The following URB1 variants were observed in gnomAD, a reference collection of about 807,000 sequenced individuals.
The protein encoded by URB1 is URB1 ribosome biogenesis factor, also known as nucleolar pre-ribosomal-associated protein 1.
URB1 carries 197 observed loss-of-function variants against 242.3 expected under a neutral mutation model. The ratio of observed to expected loss-of-function variants is 0.81; its 90% CI spans 0.72 to 0.91. The LOEUF (loss-of-function observed/expected upper bound fraction) is 0.91. URB1 is among the 40% of genes least tolerant of loss of function. The probability of loss-of-function intolerance (pLI) is 0.00; values close to 1 mark genes in which losing one functional copy is unlikely to be tolerated. For synonymous variants in URB1, 1,153 were observed against 1,201.8 expected (o/e 0.96, Z 0.84); for missense variants, 2,721 against 2,860.5 (o/e 0.95, Z 1.11).
chr21:32,317,519 C>T (rs1217026382), intron 37 of URB1, among the ~76,000 whole-genome samples, 157 bp downstream of exon 37: 1 of 152,176 alleles, frequency 6.6e-6, no homozygotes, highest in African/African-American at 2.4e-5. Flanking sequence ...TCAAAGGCTG[C>T]CCAGCTCCCC....
rs1318970148 is a variant in URB1, at chr21:32,322,987, C to T, written c.5234-403G>A. 2.0e-5 allele frequency among the ~76,000 whole-genome samples: 3 copies of T among 152,164 alleles called. No individual in the cohort carries two copies. The East Asian group carries it at 5.8e-4, about 29-fold the overall frequency. ...TTCTAACTGAAAGGAACCGTCACAG[C>T]GGGGGAGGCTCAGACACTACTGAGT... On this transcript the variant is annotated intron_variant, in intron 32 of 38. Coordinates refer to ENST00000382751, the MANE Select transcript of URB1 (RefSeq NM_014825.3).
intron 37 of URB1, 59 bp from the exon 38 acceptor site, chr21:32,317,124 C>T: frequency 6.9e-7 from 1 of 1,458,392 alleles, no homozygotes. Flanking sequence ...CACACAGATC[C>T]AGATGTGGGG....
chr21:32,351,600 C>T (rs1323740066), intron 19 of URB1, among the ~76,000 whole-genome samples: 1 of 152,174 alleles, frequency 6.6e-6, no homozygotes, highest in East Asian at 1.9e-4. Context: ...TCTCAGGCTC[C>T]ACCCAGACCT....
At chr21:32,370,469 T>C (rs1055932317) in intron 8 of URB1, among the ~76,000 whole-genome samples, 59 of 152,222 alleles carry the variant, frequency 3.9e-4, no homozygotes, top group African/African-American at 1.4e-3. Context: ...ATGCTTTATT[T>C]TAATCAACAA....
chr21:32,345,076 C>T (rs942697235), intron 23 of URB1, among the ~76,000 whole-genome samples: 2 of 152,084 alleles, frequency 1.3e-5, no homozygotes, highest in African/African-American at 4.8e-5. Context: ...AAGCCAGAAG[C>T]AACACCCTCT....
At chr21:32,384,196 G>C in intron 3 of URB1, 117 bp downstream of exon 3, 1 of 1,299,154 alleles carries the variant, frequency 7.7e-7, no homozygotes, top group Non-Finnish European at 1.0e-6. Context: ...CTGTGGCCTC[G>C]GAAATAGCTC....
At chr21:32,326,761 C>T (rs1039117305) in intron 30 of URB1, among the ~76,000 whole-genome samples, 8 of 152,144 alleles carry the variant, frequency 5.3e-5, no homozygotes, top group African/African-American at 1.9e-4. Flanking sequence ...CCTGAGGCCT[C>T]CCCAGCCATG....
Position 32,363,167 on chromosome 21 carries a change from C to A in URB1, c.1498G>T (p.Ala500Ser). ...MEEFVQLFRE[A>S]LSKILPDLNT... ...AGATCAGAGCCTACCTTGCTCAGGG[C>A]TTCTCTGAAGAGCTGCACGAATTCT... Residue 500 changes from alanine (A) to serine (S), a missense_variant, in exon 11 of 39, where the codon GCC (alanine) becomes TCC (serine). Transcript: ENST00000382751. The A allele has an allele frequency of 6.4e-7, 1 of 1,551,698 alleles. No individual in the cohort carries two copies. Among genetic ancestry groups the A allele is most frequent in the Non-Finnish European group, 8.7e-7 (1 of 1,146,972 alleles).
chr21:32,337,345 C>T lies in URB1; in HGVS notation c.4621+59G>A, dbSNP rs1225177548. 10 of 1,474,128 alleles carry T rather than the reference C, an allele frequency of 6.8e-6. No homozygotes were observed. In the Admixed American group the frequency reaches 1.0e-4, roughly 15 times the overall value. The allele number at this position is 1,474,128 out of a possible 1,614,324, so 91.3% of individuals were successfully genotyped here. ...CCAGCTCTCATTCCCTATCTCTGCT[C>T]ACACCCCCGGCCCTCACTCCCTCCC... On this transcript the variant is annotated intron_variant, in intron 27 of 38. Transcript: ENST00000382751.
intron 4 of URB1, among the ~76,000 whole-genome samples, chr21:32,382,457 TCA>T (rs2033537119): frequency 6.6e-6 from 1 of 152,074 alleles, no homozygotes; most frequent in Non-Finnish European, 1.5e-5. Flanking sequence ...CAGGCCAATC[TCA>T]CAGAGCCATA....
Position 32,373,707 on chromosome 21 carries a change from G to A in URB1, c.816C>T (p.Asn272=). 1 of 1,549,392 alleles carries A rather than the reference G, an allele frequency of 6.5e-7. No homozygotes were observed. The highest frequency in any genetic ancestry group is 8.7e-7 in the Non-Finnish European group (1 of 1,146,202). ...KVRFFTGQLL[N]HIASLYNWNG... The stretch of plus-strand genomic sequence containing the variant: ...TCCAGTTGTACAGCGATGCTATGTG[G>A]TTCAATAACTGCCCCGTAAAGAAAC... The change falls in exon 7 of 39, where the codon AAC becomes AAT. Residue 272 remains asparagine, a synonymous_variant. Transcript: ENST00000382751.
chr21:32,341,321 C>CT, intron 25 of URB1, 145 bp downstream of exon 25: 1 of 743,082 alleles, frequency 1.3e-6, no homozygotes, highest in African/African-American at 1.8e-5. Flanking sequence ...AATCATTTAA[C>CT]TTCTCCAACT....
chr21:32,326,481 C>G (rs1017247084), intron 30 of URB1, among the ~76,000 whole-genome samples: 5 of 152,182 alleles, frequency 3.3e-5, no homozygotes. Context: ...ACTAAAATAT[C>G]TGAGCTGAAA....
intron 5 of URB1, among the ~76,000 whole-genome samples, chr21:32,375,689 A>G (rs1187846759): frequency 6.6e-6 from 1 of 152,062 alleles, no homozygotes; most frequent in African/African-American, 2.4e-5. Context: ...TCATGCCTGT[A>G]AGCCCAGCAC....
intron 4 of URB1, among the ~76,000 whole-genome samples, chr21:32,383,092 G>C (rs2033544476): frequency 6.6e-6 from 1 of 152,190 alleles, no homozygotes; most frequent in Non-Finnish European, 1.5e-5. Context: ...CAGGGCCATG[G>C]GCACATGGAG....
At chr21:32,392,688 A>C (rs2033653060) in intron 1 of URB1, 81 bp downstream of exon 1, 2 of 1,346,266 alleles carry the variant, frequency 1.5e-6, no homozygotes, top group Non-Finnish European at 9.5e-7. Flanking sequence ...AAAGCTGCAG[A>C]AAGGAGAGGC....
In URB1 at chr21:32,320,536, TTCAAG is replaced by T; in HGVS notation, c.5584_5588del (p.Leu1862LysfsTer11). Reference sequence around the variant, plus strand: ...CGCATGCAAAAGGTACTTACTTGCTTTCAAGGATGTGTAAAATCCATGTTAAAAGG... The same window carrying T: ...CGCATGCAAAAGGTACTTACTTGCTTGATGTGTAAAATCCATGTTAAAAGG... On this transcript the variant is annotated frameshift_variant, in exon 35 of 39. Transcript: ENST00000382751. LOFTEE classifies it high-confidence loss of function. 6.4e-7 allele frequency: 1 copy of T among 1,550,932 alleles called. No individual in the cohort carries two copies. The highest frequency in any genetic ancestry group is 8.7e-7 in the Non-Finnish European group (1 of 1,146,220).
chr21:32,389,600 C>CAAGG (rs1222460794), intron 1 of URB1, among the ~76,000 whole-genome samples: 1 of 152,176 alleles, frequency 6.6e-6, no homozygotes, highest in African/African-American at 2.4e-5. Context: ...AATCAACCAC[C>CAAGG]AAGGCCAGGG....
chr21:32,321,099 C>A (rs1320733985), intron 34 of URB1, among the ~76,000 whole-genome samples: 1 of 152,256 alleles, frequency 6.6e-6, no homozygotes, highest in Non-Finnish European at 1.5e-5. Flanking sequence ...AGAATTCTCA[C>A]ATGCCATAGA....
Sources: gnomAD v4.1 joint callset for allele counts (sites outside exome capture counted in the v4.1 genomes callset) on GRCh38, gnomAD v4.1.1 for gene constraint, MANE v1.5 for transcripts, NCBI Gene and HGNC (gene_info 2026-07-23, HGNC 2026-07-21) for gene names.